Variants in RPL39 observed in about 807,000 individuals in gnomAD.
The protein encoded by RPL39 is large ribosomal subunit protein eL39.
For missense variants in RPL39, 6 were observed against 37.2 expected, an observed-to-expected ratio of 0.16 and a Z score of 2.18; for synonymous variants, 8 against 11.4, an observed-to-expected ratio of 0.70 and a Z score of 0.60.
At chrX:119,791,054 C>T (rs1362008803) in intron 1 of RPL39, 2 of 125,435 alleles carry the variant, frequency 1.6e-5, no homozygotes, top group Non-Finnish European at 3.7e-5. Context: ...CTAGGCGCTT[C>T]CACGGGGTGA....
chrX:119,787,920 A>G (rs5957249), intron 2 of RPL39, among the ~76,000 whole-genome samples: 5,957 of 111,261 alleles, frequency 0.054, 420 homozygotes, highest in African/African-American at 0.18. Context: ...GGCCTCTCCC[A>G]AAGTGCTGGG....
chrX:119,791,303 G>C (rs1427702303), intron 1 of RPL39: 1 of 290,891 alleles, frequency 3.4e-6, no homozygotes, highest in Non-Finnish European at 6.3e-6. Context: ...AGGGAAACCG[G>C]AATCCCTGCC....
intron 2 of RPL39, among the ~76,000 whole-genome samples, chrX:119,789,644 C>A (rs749424234): frequency 8.9e-6 from 1 of 112,663 alleles, no homozygotes; most frequent in African/African-American, 3.2e-5. Flanking sequence ...AGACAGCCTT[C>A]CACCTTATGA....
At chrX:119,788,014 G>A (rs1371338976) in intron 2 of RPL39, among the ~76,000 whole-genome samples, 1 of 111,536 alleles carries the variant, frequency 9.0e-6, no homozygotes, top group Non-Finnish European at 1.9e-5. Context: ...GCAGGACACA[G>A]AGAAACCCAC....
intron 1 of RPL39, chrX:119,790,350 T>C (rs2055692673): frequency 1.4e-5 from 2 of 144,940 alleles, no homozygotes; most frequent in African/African-American, 6.1e-5. Flanking sequence ...CCCCAAGGAC[T>C]CAGACGACCA....
rs754094640 is a variant in RPL39, at chrX:119,791,455, T to C, written c.3+119A>G. On this transcript the variant is annotated intron_variant, in intron 1 of 2. Transcript: ENST00000361575. ...AACAGTGGCCGAACTGGATATTTTC[T>C]TGAAAAAGCCTTTAAAAGGCTCCCG... 5 of 679,272 alleles carry C rather than the reference T, an allele frequency of 7.4e-6. No individual in the cohort carries two copies. The African/African-American group carries it at 9.2e-5, about 12-fold the overall frequency. The allele number at this position is 679,272 out of a possible 1,213,427, so 56.0% of individuals were successfully genotyped here.
At chrX:119,789,556 C>CAAAACA (rs781553054) in intron 2 of RPL39, among the ~76,000 whole-genome samples, 4,130 of 84,480 alleles carry the variant, frequency 0.049, 186 homozygotes, top group African/African-American at 0.16. Flanking sequence ...GACTCCGTCT[C>CAAAACA]AAAACAAAAA....
Position 119,791,558 on chromosome X carries a change from G to C in RPL39, c.3+16C>G. On this transcript the variant is annotated intron_variant, in intron 1 of 2. Transcript: ENST00000361575. ...TGGGAAGCCACCCCGGGGCCGATGG[G>C]GGCCGATGGACTTACCATGGCGAGC... is the stretch of plus-strand genomic sequence containing the variant. 1 of 1,166,382 alleles carries C rather than the reference G, an allele frequency of 8.6e-7. No homozygotes were observed. The highest frequency in any genetic ancestry group is 1.8e-5 in the African/African-American group (1 of 56,193).
Position 119,787,325 on chromosome X carries a change from G to A in RPL39, c.108-593C>T, listed in dbSNP as rs148303467. The A allele has an allele frequency of 3.9e-3, 1,416 of 367,388 alleles. 13 individuals carry two copies. Among genetic ancestry groups the A allele is most frequent in the African/African-American group, 0.033 (1,283 of 38,878 alleles). The allele number at this position is 367,388 out of a possible 1,213,427, so 30.3% of individuals were successfully genotyped here. A position where few individuals can be genotyped will look rare whatever the true frequency, so the allele number is the denominator to read the frequency against. ...ACAATCGATCAACTCCTCCATTCAC[G>A]TCTAGTGCAGGGAAACAGCAATCCC... is the stretch of plus-strand genomic sequence containing the variant. On this transcript the variant is annotated intron_variant, in intron 2 of 2. Transcript: ENST00000361575.
intron 2 of RPL39, among the ~76,000 whole-genome samples, chrX:119,788,445 C>T (rs1449682380): frequency 9.1e-6 from 1 of 109,512 alleles, no homozygotes; most frequent in African/African-American, 3.3e-5. Flanking sequence ...GCAAGAGAAT[C>T]GCTTGAACTT....
chrX:119,788,286 C>A (rs2055678960), intron 2 of RPL39, among the ~76,000 whole-genome samples: 1 of 111,865 alleles, frequency 8.9e-6, no homozygotes, highest in Non-Finnish European at 1.9e-5. Flanking sequence ...GTAATCCCAG[C>A]ATGTTGGGAG....
chrX:119,791,577 G>T lies in RPL39; in HGVS notation c.-1C>A. ...CGATGGGGGCCGATGGACTTACCAT[G>T]GCGAGCAGCGGAGTCAAGAACACAC... On this transcript the variant is annotated 5_prime_UTR_variant, in exon 1 of 3. Transcript: ENST00000361575. 8.5e-7 allele frequency: 1 copy of T among 1,174,160 alleles called. No homozygotes were observed. The highest frequency in any genetic ancestry group is 3.2e-5 in the East Asian group (1 of 31,232).
At chrX:119,788,419 C>T (rs952058367) in intron 2 of RPL39, among the ~76,000 whole-genome samples, 14 of 110,210 alleles carry the variant, frequency 1.3e-4, no homozygotes, top group Non-Finnish European at 1.1e-4. Flanking sequence ...GTAATCCCAG[C>T]TACTTGGGAG....
intron 2 of RPL39, among the ~76,000 whole-genome samples, chrX:119,787,117 C>T (rs2055670545): frequency 9.0e-6 from 1 of 110,929 alleles, no homozygotes; most frequent in South Asian, 3.8e-4. Flanking sequence ...GAGACAGAGT[C>T]GCCCGCCCCC....
intron 2 of RPL39, chrX:119,787,292 TGATCTTTACAATC>T: frequency 2.8e-6 from 1 of 351,131 alleles, no homozygotes; most frequent in Non-Finnish European, 5.6e-6. Context: ...TGGCCTCGCA[TGATCTTTACAATC>T]GATCAACTCC....
At chrX:119,790,519 C>G (rs1216760889) in intron 1 of RPL39, 1 of 112,732 alleles carries the variant, frequency 8.9e-6, no homozygotes, top group African/African-American at 3.2e-5. Context: ...GTAATTAAGA[C>G]TTAGGGAAAG....
chrX:119,787,337 G>A (rs767197111), intron 2 of RPL39: 5 of 370,016 alleles, frequency 1.4e-5, no homozygotes, highest in African/African-American at 7.7e-5. Context: ...CTAGTGCAGG[G>A]AAACAGCAAT....
At chrX:119,788,955 T>C (rs1381736022) in intron 2 of RPL39, among the ~76,000 whole-genome samples, 3 of 112,053 alleles carry the variant, frequency 2.7e-5, no homozygotes, top group African/African-American at 3.2e-5. Flanking sequence ...TAGTCTCTTT[T>C]TAGAAAAGAG....
At chrX:119,787,383 C>A (rs1308069162) in intron 2 of RPL39, 1 of 373,175 alleles carries the variant, frequency 2.7e-6, no homozygotes, top group Non-Finnish European at 5.2e-6. Flanking sequence ...CATGATTTTA[C>A]CCTCATAAAG....
Sources: allele counts gnomAD v4.1 joint callset (sites outside exome capture counted in the v4.1 genomes callset), GRCh38; gene constraint gnomAD v4.1.1; transcripts MANE v1.5; gene names NCBI Gene and HGNC (gene_info 2026-07-23, HGNC 2026-07-21).